The following DTL variants were observed in gnomAD, a reference collection of about 807,000 sequenced individuals.
The protein encoded by DTL is denticleless protein homolog.
A neutral mutation model predicts 87.0 loss-of-function variants in DTL; 46 were observed. The ratio of observed to expected loss-of-function variants is 0.53; its 90% CI spans 0.42 to 0.68. The LOEUF (loss-of-function observed/expected upper bound fraction) is 0.68. Among genes scored for constraint, DTL ranks in the 30% least tolerant of loss-of-function variants. The pLI is 0.00. For missense variants in DTL, 737 were observed against 869.4 expected (o/e 0.85, Z 1.91); for synonymous variants, 308 against 311.2 (o/e 0.99, Z 0.11).
intron 5 of DTL, among the ~76,000 whole-genome samples, chr1:212,054,620 C>A (rs760251194): frequency 6.6e-6 from 1 of 151,582 alleles, no homozygotes; most frequent in Non-Finnish European, 1.5e-5. Context: ...ATGGTGAAAC[C>A]CTGTCTCTAC....
intron 5 of DTL, among the ~76,000 whole-genome samples, chr1:212,059,779 C>CAAAAAAAAAAAAA (rs58890148): frequency 3.7e-5 from 3 of 80,222 alleles, no homozygotes; most frequent in Non-Finnish European, 4.9e-5. Flanking sequence ...AAAGACTCTA[C>CAAAAAAAAAAAAA]AAAAAAAAAA....
chr1:212,038,143 A>C (rs971104882), intron 1 of DTL, among the ~76,000 whole-genome samples: 1 of 152,224 alleles, frequency 6.6e-6, no homozygotes, highest in African/African-American at 2.4e-5. Flanking sequence ...CATCTTTGGC[A>C]TGTGGGAGGA....
At chr1:212,101,295 T>C (rs1463125348) in intron 14 of DTL, among the ~76,000 whole-genome samples, 1 of 152,180 alleles carries the variant, frequency 6.6e-6, no homozygotes, top group Non-Finnish European at 1.5e-5. Flanking sequence ...TTTTTGTTTG[T>C]CTGAAATTCA....
At chr1:212,049,465 C>A (rs1375320323) in intron 5 of DTL, among the ~76,000 whole-genome samples, 3 of 152,102 alleles carry the variant, frequency 2.0e-5, no homozygotes, top group Non-Finnish European at 2.9e-5. Flanking sequence ...GAAAACATAT[C>A]TTTTGGTCCT....
At chr1:212,100,226 C>A in intron 13 of DTL, 26 bp from the exon 14 acceptor site, 1 of 1,488,290 alleles carries the variant, frequency 6.7e-7, no homozygotes, top group South Asian at 1.3e-5. Context: ...CACTTCTGAT[C>A]TTCATGATCC....
rs1654693929 is a variant in DTL, at chr1:212,072,202, T to C, written c.1024T>C (p.Tyr342His). ...CAGTGGCTCAAGTGATGAAGCTGCCTACATATGGAAGGTAAGTTGCTAAAC... is the reference window on the plus strand; with the variant it reads ...CAGTGGCTCAAGTGATGAAGCTGCCCACATATGGAAGGTAAGTTGCTAAAC... Reference protein sequence around the residue: ...LVSGSSDEAAYIWKVSTPWQP... With the variant: ...LVSGSSDEAAHIWKVSTPWQP... The change falls in exon 11 of 15, where the codon TAC (tyrosine) becomes CAC (histidine). Residue 342 changes from tyrosine to histidine, a missense_variant. Transcript: ENST00000366991. The C allele has an allele frequency of 6.2e-7, 1 of 1,612,954 alleles. No individual in the cohort carries two copies. Among genetic ancestry groups the C allele is most frequent in the Non-Finnish European group, 8.5e-7 (1 of 1,178,950 alleles).
Position 212,101,083 on chromosome 1 carries a change from C to G in DTL, c.2093C>G (p.Pro698Arg), listed in dbSNP as rs557642530. 1.3e-5 allele frequency: 21 copies of G among 1,596,946 alleles called. No homozygotes were observed. In the Admixed American group the frequency reaches 2.2e-4, roughly 17 times the overall value. Residue 698 changes from proline to arginine, a missense_variant and splice_region_variant, in exon 14 of 15, where the codon CCG becomes CGG. Physicochemically the swap from Pro to Arg is moderately radical, Grantham distance 103. Coordinates refer to ENST00000366991, the MANE Select transcript of DTL (RefSeq NM_016448.4). ...CAGAGCGGAAAGAAATTGCCAAGCCCGGTAAGTCAGCAGTGGTGGGAAGAT... is the reference window on the plus strand; with the variant it reads ...CAGAGCGGAAAGAAATTGCCAAGCCGGGTAAGTCAGCAGTGGTGGGAAGAT... ...RRQSGKKLPSPVTITPSSMRK... is the reference protein window; with the variant it reads ...RRQSGKKLPSRVTITPSSMRK...
At chr1:212,073,201 T>C (rs1175963229) in intron 11 of DTL, among the ~76,000 whole-genome samples, 1 of 152,230 alleles carries the variant, frequency 6.6e-6, no homozygotes, top group East Asian at 1.9e-4. Flanking sequence ...TGCTTATTAC[T>C]GAAAAATGTC....
chr1:212,081,356 G>A (rs1654986087), intron 13 of DTL, among the ~76,000 whole-genome samples: 1 of 152,212 alleles, frequency 6.6e-6, no homozygotes, highest in South Asian at 2.1e-4. Context: ...CTTCCTCAGA[G>A]AGGCTAGCAT....
intron 13 of DTL, among the ~76,000 whole-genome samples, chr1:212,089,328 A>G (rs1655219020): frequency 6.6e-6 from 1 of 152,224 alleles, no homozygotes. Context: ...GTTAAAAATA[A>G]TGCAATGCAT....
At chr1:212,055,384 A>C (rs1428715619) in intron 5 of DTL, among the ~76,000 whole-genome samples, 1 of 152,126 alleles carries the variant, frequency 6.6e-6, no homozygotes, top group African/African-American at 2.4e-5. Context: ...CTCCAGAGAG[A>C]TATCATACTG....
chr1:212,037,614 G>A (rs550447166), intron 1 of DTL, among the ~76,000 whole-genome samples: 1 of 152,236 alleles, frequency 6.6e-6, no homozygotes, highest in East Asian at 1.9e-4. Context: ...AAACACCACC[G>A]AACTTCTAAA....
Position 212,047,344 on chromosome 1 carries a change from T to C in DTL, c.387T>C (p.Ala129=). The change falls in exon 5 of 15, where the codon GCT becomes GCC. Residue 129 remains alanine (A), a synonymous_variant. Transcript: ENST00000366991. Reference sequence around the variant, plus strand: ...CAGCCAAATTTTGGGACGTAAAAGCTGGTGAGCTGATTGGAACATGCAAAG... The same window carrying C: ...CAGCCAAATTTTGGGACGTAAAAGCCGGTGAGCTGATTGGAACATGCAAAG... ...DQTAKFWDVK[A]GELIGTCKGH... 1 of 1,614,196 alleles carries C rather than the reference T, an allele frequency of 6.2e-7. No individual in the cohort carries two copies.
At chr1:212,100,196 T>A (rs1655573115) in intron 13 of DTL, 56 bp from the exon 14 acceptor site, 1 of 1,365,162 alleles carries the variant, frequency 7.3e-7, no homozygotes, top group Admixed American at 2.4e-5. Context: ...GATGAGAATT[T>A]AGGGACTTTG....
At chr1:212,058,489 T>C (rs1668246198) in intron 5 of DTL, among the ~76,000 whole-genome samples, 2 of 152,082 alleles carry the variant, frequency 1.3e-5, no homozygotes. Flanking sequence ...TTTTTACAAT[T>C]CTTGAAACAA....
chr1:212,096,555 G>A (rs1402678329), intron 13 of DTL, among the ~76,000 whole-genome samples: 1 of 152,100 alleles, frequency 6.6e-6, no homozygotes, highest in East Asian at 1.9e-4. Context: ...TATCTTAGAG[G>A]TTTTGTTAGG....
chr1:212,093,801 G>A (rs1655360944), intron 13 of DTL, among the ~76,000 whole-genome samples: 2 of 152,196 alleles, frequency 1.3e-5, no homozygotes, highest in South Asian at 4.1e-4. Flanking sequence ...GGCCAAGGTG[G>A]TCTTGGGAAA....
intron 1 of DTL, among the ~76,000 whole-genome samples, chr1:212,040,807 C>T (rs1299533438): frequency 6.6e-6 from 1 of 152,138 alleles, no homozygotes; most frequent in Non-Finnish European, 1.5e-5. Context: ...TGATTCATAT[C>T]CTGGACAGGT....
Position 212,104,846 on chromosome 1 carries a change from T to C in DTL, c.*1906T>C, listed in dbSNP as rs956845690. 1.3e-5 allele frequency: 2 copies of C among 152,332 alleles called. No homozygotes were observed. The highest frequency in any genetic ancestry group is 4.8e-5 in the African/African-American group (2 of 41,578). 9.4% of individuals were successfully genotyped at this position (152,332 alleles called of 1,614,324 possible). On this transcript the variant is annotated 3_prime_UTR_variant, in exon 15 of 15. Transcript: ENST00000366991. ...CTGAATAATAAAGCCTTTTACCTTA[T>C]CTGATGTCCTTTTCTGAGCTTTTTG...
Sources: gnomAD v4.1 joint callset for allele counts (sites outside exome capture counted in the v4.1 genomes callset) on GRCh38, gnomAD v4.1.1 for gene constraint, MANE v1.5 for transcripts, NCBI Gene and HGNC (gene_info 2026-07-23, HGNC 2026-07-21) for gene names.